BLZF1: variants seen among roughly 807,000 people sequenced by gnomAD.
BLZF1 encodes golgin-45.
Under a neutral mutation model 43.8 loss-of-function variants are expected in BLZF1, and 39 were observed. The observed-to-expected ratio is 0.89, with a 90% confidence interval of 0.69 to 1.16. The LOEUF is 1.16. Among genes scored for constraint, BLZF1 ranks in the 50% most tolerant of loss-of-function variants. BLZF1 has a pLI of 0.00. For missense variants in BLZF1, 449 were observed against 469.8 expected (o/e 0.96, Z 0.41); for synonymous variants, 136 against 159.4 (o/e 0.85, Z 1.11).
downstream of BLZF1, among the ~76,000 whole-genome samples, chr1:169,391,793 T>G (rs1253909842): frequency 3.7e-5 from 3 of 81,492 alleles, no homozygotes; most frequent in Non-Finnish European, 1.1e-4. Flanking sequence ...GTCCAGGTGC[T>G]GGGGCAGTTA....
In BLZF1 at chr1:169,376,557, C is replaced by T; in HGVS notation, c.46C>T (p.Pro16Ser). ...LETKVTVTSS[P>S]IRGAGDGMET... ...TTTGTTAGTCACCGTTACTTCATCC[C>T]CAATCCGAGGAGCAGGAGATGGAAT... The change falls in exon 3 of 7, where the codon CCA (proline) becomes TCA (serine). Residue 16 changes from proline (P) to serine (S), a missense_variant. Pro to Ser is a moderately conservative substitution (Grantham distance 74, BLOSUM62 -1). Transcript: ENST00000367808. 1.2e-6 allele frequency: 2 copies of T among 1,600,194 alleles called. No homozygotes were observed. Among genetic ancestry groups the T allele is most frequent in the Non-Finnish European group, 1.7e-6 (2 of 1,175,422 alleles).
In BLZF1 at chr1:169,387,193, G is replaced by A; in HGVS notation, c.*11G>A. On this transcript the variant is annotated 3_prime_UTR_variant, in exon 7 of 7. Coordinates refer to ENST00000367808, the MANE Select transcript of BLZF1 (RefSeq NM_001320973.2). ...CTGATTGCCCTTTAACAGTCAATAT[G>A]TTGGAGGCATGCTAAGGTACTTCCT... 1 of 1,608,292 alleles carries A rather than the reference G, an allele frequency of 6.2e-7. No homozygotes were observed. Among genetic ancestry groups the A allele is most frequent in the South Asian group, 1.1e-5 (1 of 89,760 alleles).
Position 169,380,607 on chromosome 1 carries a change from G to A in BLZF1, c.795G>A (p.Gln265=). Reference sequence around the variant, plus strand: ...TTCGTCAAGAAATGATAGCTACCCAGAAGTATGGCACTTGTTTACATTCTG... The same window carrying A: ...TTCGTCAAGAAATGATAGCTACCCAAAAGTATGGCACTTGTTTACATTCTG... ...EQFRQEMIAT[Q]KLLEELLVSL... Residue 265 remains glutamine (Q), a splice_region_variant and synonymous_variant, in exon 5 of 7, where the codon CAG becomes CAA. Transcript: ENST00000367808. 6.2e-7 allele frequency: 1 copy of A among 1,612,506 alleles called. No individual in the cohort carries two copies. Among genetic ancestry groups the A allele is most frequent in the Non-Finnish European group, 8.5e-7 (1 of 1,178,828 alleles).
rs749595665 is a variant in BLZF1, at chr1:169,376,941, A to G, written c.430A>G (p.Lys144Glu). The G allele has an allele frequency of 6.2e-7, 1 of 1,613,230 alleles. No individual in the cohort carries two copies. Among genetic ancestry groups the G allele is most frequent in the Non-Finnish European group, 8.5e-7 (1 of 1,179,492 alleles). Reference protein sequence around the residue: ...KNSERRLLQDKEGLSNQLRVQ... With the variant: ...KNSERRLLQDEEGLSNQLRVQ... ...TTCTGAAAGAAGGTTACTACAGGACAAAGAAGGTCTTTCAAACCAGCTCCG... is the reference window on the plus strand; with the variant it reads ...TTCTGAAAGAAGGTTACTACAGGACGAAGAAGGTCTTTCAAACCAGCTCCG... The change falls in exon 3 of 7, where the codon AAA (lysine) becomes GAA (glutamate). Residue 144 changes from lysine to glutamate, a missense_variant. By Grantham distance (56) the Lys-to-Glu change is moderately conservative. Coordinates refer to ENST00000367808, the MANE Select transcript of BLZF1 (RefSeq NM_001320973.2).
At chr1:169,376,055 G>A (rs991840079) in intron 2 of BLZF1, among the ~76,000 whole-genome samples, 51 of 152,040 alleles carry the variant, frequency 3.4e-4, no homozygotes, top group African/African-American at 1.2e-3. Context: ...TAACATATAT[G>A]TTGCTTCCTC....
At chr1:169,372,057 T>G (rs1018446368) in intron 2 of BLZF1, among the ~76,000 whole-genome samples, 6 of 152,170 alleles carry the variant, frequency 3.9e-5, no homozygotes, top group Non-Finnish European at 7.4e-5. Context: ...CCACACTTAT[T>G]TGACCAGGGA....
Position 169,382,281 on chromosome 1 carries a change from G to GGTAAA in BLZF1, c.1017+1_1017+5dup. ...CCCCAGCTGAGAAAATGGCTGAAAC[G>GGTAAA]GTAAAATATTTTCTTTTGTGATCTA... On this transcript the variant is annotated frameshift_variant and splice_region_variant. Transcript: ENST00000367808. LOFTEE classifies it high-confidence loss of function. 1 of 1,611,510 alleles carries GGTAAA rather than the reference G, an allele frequency of 6.2e-7. No homozygotes were observed. The highest frequency in any genetic ancestry group is 8.5e-7 in the Non-Finnish European group (1 of 1,178,420).
Position 169,376,705 on chromosome 1 carries a change from T to G in BLZF1, c.194T>G (p.Leu65Arg). 6.2e-7 allele frequency: 1 copy of G among 1,613,368 alleles called. No individual in the cohort carries two copies. The highest frequency in any genetic ancestry group is 8.5e-7 in the Non-Finnish European group (1 of 1,179,604). ...VPSESPGVLQ[L>R]GKMLTEKAME... Reference sequence around the variant, plus strand: ...TCAGAGAGCCCAGGAGTTCTTCAGCTAGGGAAAATGCTCACTGAAAAAGCA... The same window carrying G: ...TCAGAGAGCCCAGGAGTTCTTCAGCGAGGGAAAATGCTCACTGAAAAAGCA... The change falls in exon 3 of 7, where the codon CTA becomes CGA. Residue 65 changes from leucine (L) to arginine (R), a missense_variant. Coordinates refer to ENST00000367808, the MANE Select transcript of BLZF1 (RefSeq NM_001320973.2).
intron 5 of BLZF1, 83 bp downstream of exon 5, chr1:169,380,692 GTTTTT>G: frequency 6.5e-7 from 1 of 1,527,946 alleles, no homozygotes; most frequent in Non-Finnish European, 9.0e-7. Flanking sequence ...TTGTTTGTTT[GTTTTT>G]GTTTTGGGTG....
At chr1:169,386,146 A>G (rs959570470) in intron 6 of BLZF1, among the ~76,000 whole-genome samples, 3 of 152,190 alleles carry the variant, frequency 2.0e-5, no homozygotes, top group Admixed American at 1.3e-4. Context: ...ATCAGAGCAG[A>G]AGAAGAATTA....
Position 169,388,233 on chromosome 1 carries a change from A to G in BLZF1, c.*1051A>G, listed in dbSNP as rs567608598. ...TCAAATAATAATAATTTTAATGTCA[A>G]TGATTTTTTTTGTCTGACTCATCTG... On this transcript the variant is annotated 3_prime_UTR_variant, in exon 7 of 7. Coordinates refer to ENST00000367808, the MANE Select transcript of BLZF1 (RefSeq NM_001320973.2). 2.6e-5 allele frequency: 4 copies of G among 152,288 alleles called. No individual in the cohort carries two copies. The highest frequency in any genetic ancestry group is 4.8e-5 in the African/African-American group (2 of 41,566). The allele number at this position is 152,288 out of a possible 1,614,324, so 9.4% of individuals were successfully genotyped here.
At chr1:169,391,602 A>G (rs1006049758), downstream of BLZF1, among the ~76,000 whole-genome samples, 1 of 152,170 alleles carries the variant, frequency 6.6e-6, no homozygotes, top group African/African-American at 2.4e-5. Flanking sequence ...GGAAATTATC[A>G]CCAGACCAAT....
intron 7 of BLZF1, among the ~76,000 whole-genome samples, chr1:169,394,210 A>T (rs1179366147): frequency 6.6e-6 from 1 of 152,254 alleles, no homozygotes; most frequent in Non-Finnish European, 1.5e-5. Context: ...ATATGATTAC[A>T]TTATTTATAT....
At chr1:169,383,560 C>T (rs1654586492) in intron 6 of BLZF1, among the ~76,000 whole-genome samples, 2 of 152,192 alleles carry the variant, frequency 1.3e-5, no homozygotes, top group African/African-American at 2.4e-5. Context: ...TCACTTAAAT[C>T]TGTAGACTTC....
chr1:169,392,196 A>C (rs1654830224), downstream of BLZF1, among the ~76,000 whole-genome samples: 1 of 152,212 alleles, frequency 6.6e-6, no homozygotes, highest in East Asian at 1.9e-4. Flanking sequence ...ATTCACTGAG[A>C]GCCCTATCAA....
chr1:169,380,354 C>T (rs923937727), intron 4 of BLZF1, 127 bp from the exon 5 acceptor site: 2 of 781,876 alleles, frequency 2.6e-6, no homozygotes, highest in South Asian at 3.4e-5. Flanking sequence ...AATTTAAAAA[C>T]TGTGAAGTAA....
downstream of BLZF1, among the ~76,000 whole-genome samples, chr1:169,390,942 AATT>A (rs1654800415): frequency 6.6e-6 from 1 of 152,218 alleles, no homozygotes; most frequent in African/African-American, 2.4e-5. Flanking sequence ...GTTAGCTTTT[AATT>A]AAGCTGACTT....
At chr1:169,395,214 A>C in intron 7 of BLZF1, 1 of 1,608,136 alleles carries the variant, frequency 6.2e-7, no homozygotes, top group South Asian at 1.1e-5. Context: ...CATCTGTAGA[A>C]ACAGGCATGA....
downstream of BLZF1, among the ~76,000 whole-genome samples, chr1:169,392,226 A>G (rs1429727410): frequency 6.6e-6 from 1 of 152,226 alleles, no homozygotes; most frequent in African/African-American, 2.4e-5. Context: ...AGCCTTTTTG[A>G]AAAATGGAAA....
Sources: gnomAD v4.1 joint callset for allele counts (sites outside exome capture counted in the v4.1 genomes callset) on GRCh38, gnomAD v4.1.1 for gene constraint, MANE v1.5 for transcripts, NCBI Gene and HGNC (gene_info 2026-07-23, HGNC 2026-07-21) for gene names.